The following EIF3F variants were observed in gnomAD, a reference collection of about 807,000 sequenced individuals.
The protein encoded by EIF3F is deubiquitinating enzyme eIF3f.
A neutral mutation model predicts 36.0 loss-of-function variants in EIF3F; 8 were observed. The observed-to-expected ratio is 0.22, with a 90% CI of 0.13 to 0.40. The LOEUF (loss-of-function observed/expected upper bound fraction) is 0.40. EIF3F is among the 10% of genes least tolerant of loss of function. The probability of loss-of-function intolerance (pLI) is 1.00; values close to 1 mark genes in which losing one functional copy is unlikely to be tolerated. For missense variants in EIF3F, 430 were observed against 467.6 expected (o/e 0.92, Z 0.74); for synonymous variants, 184 against 188.5 (o/e 0.98, Z 0.19).
intron 4 of EIF3F, among the ~76,000 whole-genome samples, chr11:7,993,826 G>C (rs1343053958): frequency 3.1e-5 from 4 of 127,368 alleles, no homozygotes; most frequent in Non-Finnish European, 6.5e-5. Flanking sequence ...GACTCCTCAA[G>C]ATCCAGTATA....
chr11:7,991,830 G>T lies in EIF3F; in HGVS notation c.414G>T (p.Pro138=). 3 of 1,614,114 alleles carry T rather than the reference G, an allele frequency of 1.9e-6. No homozygotes were observed. The highest frequency in any genetic ancestry group is 2.5e-6 in the Non-Finnish European group (3 of 1,180,012). The change falls in exon 2 of 8, where the codon CCG becomes CCT. Residue 138 remains proline, a synonymous_variant. Coordinates refer to ENST00000651655, the MANE Select transcript of EIF3F (RefSeq NM_003754.3). ...AGGTCACCAATTGCTTTTCAGTGCC[G>T]CACAATGAGTCAGAAGATGAAGTGA... The part of the protein sequence containing the change: ...SVEVTNCFSV[P]HNESEDEVAV...
At chr11:7,992,007 G>T (rs996943849) in intron 2 of EIF3F, 77 bp from the exon 3 acceptor site, 2 of 1,510,032 alleles carry the variant, frequency 1.3e-6, no homozygotes, top group African/African-American at 2.8e-5. Context: ...TTTATTGGGG[G>T]TGGCCTCTTG....
chr11:7,992,075 C>G lies in EIF3F; in HGVS notation c.436-9C>G. ...GCTTCTTAGCTTGCTTTCCTGCCTT[C>G]CCTCTTAGGTGGCTGTTGACATGGA... is the stretch of plus-strand genomic sequence containing the variant. On this transcript the variant is annotated splice_polypyrimidine_tract_variant and intron_variant, in intron 2 of 7. Coordinates refer to ENST00000651655, the MANE Select transcript of EIF3F (RefSeq NM_003754.3). The G allele has an allele frequency of 6.2e-7, 1 of 1,612,746 alleles. No homozygotes were observed. Among genetic ancestry groups the G allele is most frequent in the Non-Finnish European group, 8.5e-7 (1 of 1,179,882 alleles).
Position 7,987,735 on chromosome 11 carries a change from T to C in EIF3F, c.364+19T>C, listed in dbSNP as rs1942044124. Reference sequence around the variant, plus strand: ...CTGTTGGGTGAGTGGTCAGAGAAAGTTAACATTCTTTTCTTCCTCCCACTT... The same window carrying C: ...CTGTTGGGTGAGTGGTCAGAGAAAGCTAACATTCTTTTCTTCCTCCCACTT... On this transcript the variant is annotated intron_variant, in intron 1 of 7. Coordinates refer to ENST00000651655, the MANE Select transcript of EIF3F (RefSeq NM_003754.3). The C allele has an allele frequency of 6.7e-7, 1 of 1,485,848 alleles. No individual in the cohort carries two copies. Among genetic ancestry groups the C allele is most frequent in the Non-Finnish European group, 8.9e-7 (1 of 1,117,834 alleles). 92.0% of individuals were successfully genotyped at this position (1,485,848 alleles called of 1,614,324 possible).
rs191996991 is a variant in EIF3F, at chr11:7,997,684, T to C, written c.*1662T>C. 111 of 152,248 alleles carry C rather than the reference T, an allele frequency of 7.3e-4. No individual in the cohort carries two copies. Among genetic ancestry groups the C allele is most frequent in the African/African-American group, 2.6e-3 (108 of 41,548 alleles). The allele number at this position is 152,248 out of a possible 1,614,324, so 9.4% of individuals were successfully genotyped here. On this transcript the variant is annotated 3_prime_UTR_variant, in exon 8 of 8. Transcript: ENST00000651655. ...GGTGAATGTTAATAATAATGTTGAA[T>C]GAAAAAAGCTGGTGTCAGAAGACAT...
At position 7,996,288 on chromosome 11, in the gene EIF3F, T is replaced by A. The variant is rs900488887; in HGVS notation, c.*266T>A. On this transcript the variant is annotated 3_prime_UTR_variant, in exon 8 of 8. Transcript: ENST00000651655. ...GTTGGTTATGTGTTTGGCATGTTAC[T>A]GTTTTACCAAACTGTTCTTTTGGTT... 1 of 325,556 alleles carries A rather than the reference T, an allele frequency of 3.1e-6. No individual in the cohort carries two copies. The allele number at this position is 325,556 out of a possible 1,614,324, so 20.2% of individuals were successfully genotyped here.
At chr11:7,989,024 T>C (rs995439908) in intron 1 of EIF3F, among the ~76,000 whole-genome samples, 1 of 152,228 alleles carries the variant, frequency 6.6e-6, no homozygotes. Context: ...GCTTTTGCGT[T>C]CTCTTTGCCA....
chr11:7,993,102 T>A, intron 4 of EIF3F, 78 bp downstream of exon 4: 1 of 1,466,682 alleles, frequency 6.8e-7, no homozygotes, highest in Non-Finnish European at 9.1e-7. Flanking sequence ...CAAGGTTAAT[T>A]CCTTCCATGT....
At chr11:7,987,878 T>C in intron 1 of EIF3F, 162 bp downstream of exon 1, 2 of 1,100,310 alleles carry the variant, frequency 1.8e-6, no homozygotes, top group East Asian at 6.4e-5. Context: ...TTGCTGTGAC[T>C]TATCTTCTCA....
In EIF3F at chr11:7,996,099, G is replaced by A. The variant is rs957146133; in HGVS notation, c.*77G>A. 133 of 1,317,860 alleles carry A rather than the reference G, an allele frequency of 1.0e-4. No homozygotes were observed. The highest frequency in any genetic ancestry group is 1.4e-4 in the Non-Finnish European group (127 of 912,250). The allele number at this position is 1,317,860 out of a possible 1,614,324, so 81.6% of individuals were successfully genotyped here. On this transcript the variant is annotated 3_prime_UTR_variant, in exon 8 of 8. Transcript: ENST00000651655. ...GAAGTGAAGGAGAAATGGGTTTTTT[G>A]TGGTCTTGAGTCACACTGAGATAGT... is the stretch of plus-strand genomic sequence containing the variant.
At chr11:7,993,148 C>T (rs76514958) in intron 4 of EIF3F, 124 bp downstream of exon 4, 20,568 of 1,100,982 alleles carry the variant, frequency 0.019, 241 homozygotes, top group Non-Finnish European at 0.022. Flanking sequence ...CTGTTCCTCT[C>T]TCTCAACAGT....
At position 7,987,644 on chromosome 11, in the gene EIF3F, A is replaced by G; in HGVS notation, c.292A>G (p.Ile98Val). The G allele has an allele frequency of 1.3e-6, 2 of 1,560,734 alleles. No individual in the cohort carries two copies. Among genetic ancestry groups the G allele is most frequent in the South Asian group, 2.4e-5 (2 of 82,748 alleles). The change falls in exon 1 of 8, where the codon ATT becomes GTT. Residue 98 changes from isoleucine (I) to valine (V), a missense_variant. Ile to Val is a conservative substitution (Grantham distance 29). Around this residue, in one of 2 missense-constraint regions of EIF3F, gnomAD observed 262 missense variants for 347.4 expected, o/e 0.75. Transcript: ENST00000651655. ...CCGCGTGGTCAGGCTGCACCCAGTCATTTTGGCCTCCATTGTGGACAGCTA... is the reference window on the plus strand; with the variant it reads ...CCGCGTGGTCAGGCTGCACCCAGTCGTTTTGGCCTCCATTGTGGACAGCTA... ...GGRVVRLHPV[I>V]LASIVDSYER...
chr11:7,991,663 T>G (rs1942096977), intron 1 of EIF3F, 118 bp from the exon 2 acceptor site: 3 of 967,308 alleles, frequency 3.1e-6, no homozygotes, highest in Non-Finnish European at 1.7e-6. Context: ...TTGGAGCTAA[T>G]GAGTTCAGTT....
intron 4 of EIF3F, among the ~76,000 whole-genome samples, chr11:7,993,863 A>AT (rs1942128773): frequency 6.6e-6 from 1 of 151,716 alleles, no homozygotes; most frequent in Non-Finnish European, 1.5e-5. Flanking sequence ...CAGTATATAC[A>AT]ATATATATAT....
chr11:7,993,156 A>T, intron 4 of EIF3F, 132 bp downstream of exon 4: 1 of 1,046,304 alleles, frequency 9.6e-7, no homozygotes, highest in Non-Finnish European at 1.3e-6. Flanking sequence ...CTCTCTCAAC[A>T]GTTATTCTAA....
At chr11:7,990,182 A>C (rs1164475218) in intron 1 of EIF3F, among the ~76,000 whole-genome samples, 1 of 152,232 alleles carries the variant, frequency 6.6e-6, no homozygotes, top group African/African-American at 2.4e-5. Flanking sequence ...AAGGGAAGGT[A>C]GGGGTTGACT....
chr11:7,991,222 G>A (rs987421736), intron 1 of EIF3F, among the ~76,000 whole-genome samples: 14 of 151,932 alleles, frequency 9.2e-5, no homozygotes, highest in African/African-American at 3.4e-4. Context: ...AAAGAAATAT[G>A]GAAGTAAAGG....
rs773790677 is a variant in EIF3F, at chr11:7,992,135, G to A, written c.487G>A (p.Val163Ile). The change falls in exon 3 of 8, where the codon GTT becomes ATT. Residue 163 changes from valine (V) to isoleucine (I), a missense_variant. By Grantham distance (29) the Val-to-Ile change is conservative. Around this residue, in one of 2 missense-constraint regions of EIF3F, gnomAD observed 262 missense variants for 347.4 expected, o/e 0.75. Transcript: ENST00000651655. Reference sequence around the variant, plus strand: ...GAATATGTATGAACTGCATAAAAAAGTTTCTCCAAATGAGCTCATCCTGGG... The same window carrying A: ...GAATATGTATGAACTGCATAAAAAAATTTCTCCAAATGAGCTCATCCTGGG... ...AKNMYELHKK[V>I]SPNELILGWY... 48 of 1,613,470 alleles carry A rather than the reference G, an allele frequency of 3.0e-5. No individual in the cohort carries two copies. Among genetic ancestry groups the A allele is most frequent in the Non-Finnish European group, 4.0e-5 (47 of 1,180,016 alleles).
At chr11:7,989,080 C>CT (rs1942061092) in intron 1 of EIF3F, among the ~76,000 whole-genome samples, 1 of 152,166 alleles carries the variant, frequency 6.6e-6, no homozygotes, top group Non-Finnish European at 1.5e-5. Context: ...CTCTACCTAC[C>CT]TTCCACGTTC....
Sources: gnomAD v4.1 joint callset for allele counts (sites outside exome capture counted in the v4.1 genomes callset) on GRCh38, gnomAD v4.1.1 for gene constraint, gnomAD v4.1.1 regional missense constraint, MANE v1.5 for transcripts, NCBI Gene and HGNC (gene_info 2026-07-23, HGNC 2026-07-21) for gene names.